Variants in ALDH16A1 observed in about 807,000 individuals in gnomAD.
ALDH16A1 encodes the protein aldehyde dehydrogenase family 16 member A1.
Under a neutral mutation model 96.1 loss-of-function variants are expected in ALDH16A1, and 88 were observed. That is an observed-to-expected ratio of 0.92 (90% CI 0.77 to 1.09). The LOEUF (loss-of-function observed/expected upper bound fraction) is 1.09. Among genes scored for constraint, ALDH16A1 ranks in the 50% least tolerant of loss-of-function variants. The probability of loss-of-function intolerance (pLI) is 0.00; values close to 1 mark genes in which losing one functional copy is unlikely to be tolerated. For missense variants in ALDH16A1, 1,250 were observed against 1,112.6 expected, an observed-to-expected ratio of 1.12 and a Z score of -1.76; for synonymous variants, 522 against 496.4, an observed-to-expected ratio of 1.05 and a Z score of -0.69.
At position 49,461,875 on chromosome 19, in the gene ALDH16A1, G is replaced by GAC. The variant is rs764477617; in HGVS notation, c.760-9_760-8insAC. ...CTCCTCCTGCGGCTGAACTGGGGGG[G>GAC]GTCCCTAGGAAGGGCGTGCCCTTCG... On this transcript the variant is annotated splice_polypyrimidine_tract_variant and intron_variant, in intron 6 of 16. Coordinates refer to ENST00000293350, the MANE Select transcript of ALDH16A1 (RefSeq NM_153329.4). The GAC allele has an allele frequency of 7.0e-4, 1,110 of 1,586,214 alleles. 7 individuals are homozygous for GAC. The African/African-American group carries it at 0.013, about 19-fold the overall frequency.
chr19:49,460,744 G>T, intron 4 of ALDH16A1, 78 bp from the exon 5 acceptor site: 3 of 1,109,814 alleles, frequency 2.7e-6, no homozygotes, highest in South Asian at 1.3e-5. Context: ...ATGTAGCCAT[G>T]GGGTCTTGCC....
In ALDH16A1 at chr19:49,459,658, C is replaced by G. The variant is rs760362690; in HGVS notation, c.321-12C>G. On this transcript the variant is annotated splice_polypyrimidine_tract_variant and intron_variant, in intron 3 of 16. Coordinates refer to ENST00000293350, the MANE Select transcript of ALDH16A1 (RefSeq NM_153329.4). The surrounding 1 kb of genome is among the most constrained non-coding windows in gnomAD (Gnocchi z 4.1). ...CCGTTGGAAAATGAGCACCCTCTTGCTTTCTCGACAGGCTGGCCGAGGTGA... is the reference window on the plus strand; with the variant it reads ...CCGTTGGAAAATGAGCACCCTCTTGGTTTCTCGACAGGCTGGCCGAGGTGA... 8.8e-6 allele frequency: 14 copies of G among 1,599,058 alleles called. No homozygotes were observed. In the South Asian group the frequency reaches 1.6e-4, roughly 18 times the overall value.
Position 49,453,391 on chromosome 19 carries a change from A to G in ALDH16A1, c.60A>G (p.Gly20=), listed in dbSNP as rs1290156136. 10 of 1,562,766 alleles carry G rather than the reference A, an allele frequency of 6.4e-6. No homozygotes were observed. Among genetic ancestry groups the G allele is most frequent in the Non-Finnish European group, 7.8e-6 (9 of 1,156,260 alleles). ...AGATCTTCACCTCGCTGGAGTACGG[A>G]CCGGTGCCGGAGAGCCACGCATGCG... ...AREIFTSLEY[G]PVPESHACAL... is the part of the protein sequence containing the mutation. The change falls in exon 1 of 17, where the codon GGA becomes GGG. Residue 20 remains glycine (G), a synonymous_variant. Coordinates refer to ENST00000293350, the MANE Select transcript of ALDH16A1 (RefSeq NM_153329.4).
intron 16 of ALDH16A1, chr19:49,470,096 G>A: frequency 1.8e-6 from 1 of 570,142 alleles, no homozygotes; most frequent in Admixed American, 3.4e-5. Flanking sequence ...TTCAACATGG[G>A]CTGTTAAGGG....
chr19:49,458,623 G>T (rs1224090290), intron 2 of ALDH16A1, 35 bp downstream of exon 2: 1 of 1,542,576 alleles, frequency 6.5e-7, no homozygotes, highest in Non-Finnish European at 8.8e-7. Context: ...GTGGAAGGGA[G>T]GTATCTGTGC....
chr19:49,458,419 C>G, intron 1 of ALDH16A1, 67 bp from the exon 2 acceptor site: 1 of 1,247,446 alleles, frequency 8.0e-7, no homozygotes, highest in Non-Finnish European at 1.1e-6. Flanking sequence ...CTAGAGGATT[C>G]TGGGTAGGGG....
At chr19:49,464,318 T>C (rs535858907) in intron 10 of ALDH16A1, 55 bp downstream of exon 10, 2 of 1,588,708 alleles carry the variant, frequency 1.3e-6, no homozygotes, top group East Asian at 2.3e-5. Flanking sequence ...CATCTTCATC[T>C]CCCTTCTCCC....
chr19:49,464,035 T>C, intron 9 of ALDH16A1, 86 bp downstream of exon 9: 3 of 1,575,980 alleles, frequency 1.9e-6, no homozygotes, highest in Middle Eastern at 1.7e-4. Context: ...GGGGTAACCA[T>C]GTGACCTGGG....
At chr19:49,467,003 C>T (rs1163579106) in intron 14 of ALDH16A1, among the ~76,000 whole-genome samples, 1 of 152,190 alleles carries the variant, frequency 6.6e-6, no homozygotes, top group Non-Finnish European at 1.5e-5. Context: ...GAAACCCTGT[C>T]TCCACAAAAA....
At position 49,464,761 on chromosome 19, in the gene ALDH16A1, A is replaced by G. The variant is rs756171469; in HGVS notation, c.1567A>G (p.Ser523Gly). 6.8e-6 allele frequency: 11 copies of G among 1,613,832 alleles called. No homozygotes were observed. Among genetic ancestry groups the G allele is most frequent in the Non-Finnish European group, 9.3e-6 (11 of 1,180,008 alleles). The change falls in exon 12 of 17, where the codon AGC becomes GGC. Residue 523 changes from serine (S) to glycine (G), a missense_variant and splice_region_variant. Coordinates refer to ENST00000293350, the MANE Select transcript of ALDH16A1 (RefSeq NM_153329.4). ...TLPAGPEIGP[S>G]PAPPYGLFVG... is the part of the protein sequence containing the mutation. ...GCCGGCTGGGCCTGAAATAGGGCCC[A>G]GGTGAGTCGTTGGGGGCCAGTGGTC...
At position 49,470,457 on chromosome 19, in the gene ALDH16A1, T is replaced by C. The variant is rs2079236583; in HGVS notation, c.2399T>C (p.Met800Thr). ...VARTKALWLP[M>T]GD The stretch of plus-strand genomic sequence containing the variant: ...CGGACCAAGGCCCTGTGGCTGCCTA[T>C]GGGGGACTGATGCCTGAGCGCCACC... The change falls in exon 17 of 17, where the codon ATG (methionine) becomes ACG (threonine). Residue 800 changes from methionine to threonine, a missense_variant. By Grantham distance (81) the Met-to-Thr change is moderately conservative. Transcript: ENST00000293350. The C allele has an allele frequency of 1.3e-6, 2 of 1,580,396 alleles. No individual in the cohort carries two copies. Among genetic ancestry groups the C allele is most frequent in the African/African-American group, 2.7e-5 (2 of 73,406 alleles).
chr19:49,470,121 A>G, intron 16 of ALDH16A1, 185 bp from the exon 17 acceptor site: 1 of 669,628 alleles, frequency 1.5e-6, no homozygotes. Context: ...GAAATTCCCT[A>G]ACCACTGGGT....
rs534177491 is a variant in ALDH16A1, at chr19:49,467,867, A to C, written c.1939-514A>C. 4.3e-4 allele frequency among the ~76,000 whole-genome samples: 65 copies of C among 151,548 alleles called. 1 individual carries two copies. The highest frequency in any genetic ancestry group is 1.5e-3 in the African/African-American group (63 of 41,342). On this transcript the variant is annotated intron_variant, in intron 14 of 16. Transcript: ENST00000293350. ...ACACCATATTTATTTTTAACAAAAGAAAATAGACCAGGCGCAGTGGCTCAC... is the reference window on the plus strand; with the variant it reads ...ACACCATATTTATTTTTAACAAAAGCAAATAGACCAGGCGCAGTGGCTCAC...
intron 1 of ALDH16A1, among the ~76,000 whole-genome samples, chr19:49,458,087 C>T (rs753062779): frequency 2.1e-4 from 32 of 152,046 alleles, no homozygotes; most frequent in Non-Finnish European, 3.1e-4. Flanking sequence ...CATGTGGTGG[C>T]GGGCGCCTGT....
rs1438448001 is a variant in ALDH16A1, at chr19:49,459,640, A to C, written c.321-30A>C. 1 of 1,580,254 alleles carries C rather than the reference A, an allele frequency of 6.3e-7. No individual in the cohort carries two copies. The highest frequency in any genetic ancestry group is 1.4e-5 in the African/African-American group (1 of 73,602). On this transcript the variant is annotated intron_variant, in intron 3 of 16. Transcript: ENST00000293350. The surrounding 1 kb of genome is among the most constrained non-coding windows in gnomAD (Gnocchi z 4.1). ...ACTCTGCAAGGCTGAGGGCCGTTGG[A>C]AAATGAGCACCCTCTTGCTTTCTCG...
Position 49,459,007 on chromosome 19 carries a change from G to A in ALDH16A1, c.241G>A (p.Ala81Thr), listed in dbSNP as rs2079121685. 1 of 1,613,468 alleles carries A rather than the reference G, an allele frequency of 6.2e-7. No individual in the cohort carries two copies. The highest frequency in any genetic ancestry group is 1.1e-5 in the South Asian group (1 of 91,088). ...GCAGGCACAGGCCGAGGATGTGGCTGCAGCCGTGGAGGCAGCCAGGATGGC... is the reference window on the plus strand; with the variant it reads ...GCAGGCACAGGCCGAGGATGTGGCTACAGCCGTGGAGGCAGCCAGGATGGC... ...CLQAQAEDVA[A>T]AVEAARMAFK... Residue 81 changes from alanine to threonine, a missense_variant, in exon 3 of 17, where the codon GCA becomes ACA. Physicochemically the swap from Ala to Thr is moderately conservative, Grantham distance 58. Transcript: ENST00000293350. The surrounding 1 kb of genome is among the most constrained non-coding windows in gnomAD (Gnocchi z 4.1).
At chr19:49,466,312 C>G in intron 14 of ALDH16A1, 29 bp downstream of exon 14, 2 of 1,427,156 alleles carry the variant, frequency 1.4e-6, no homozygotes, top group Non-Finnish European at 1.8e-6. Context: ...CCTGGGCCAG[C>G]TGGGCAGGCG....
At chr19:49,460,788 C>T (rs775382836) in intron 4 of ALDH16A1, 34 bp from the exon 5 acceptor site, 7 of 1,588,098 alleles carry the variant, frequency 4.4e-6, no homozygotes, top group Middle Eastern at 3.4e-4. Context: ...CACCTAGCCT[C>T]AAGGGATCCT....
rs1347895599 is a variant in ALDH16A1 at position 49,468,050 on chromosome 19, C to T, written c.1939-331C>T. On this transcript the variant is annotated intron_variant, in intron 14 of 16. Coordinates refer to ENST00000293350, the MANE Select transcript of ALDH16A1 (RefSeq NM_153329.4). The surrounding 1 kb of genome is among the most constrained non-coding windows in gnomAD (Gnocchi z 4.4). Reference sequence around the variant, plus strand: ...TGGCAGGTGCCTGTAGTCTCAGCTACTCAGGAGACTGAGGCAGGAGAATGG... The same window carrying T: ...TGGCAGGTGCCTGTAGTCTCAGCTATTCAGGAGACTGAGGCAGGAGAATGG... Among the ~76,000 whole-genome samples, 1 of 151,084 alleles carries T rather than the reference C, an allele frequency of 6.6e-6. No individual in the cohort carries two copies. The highest frequency in any genetic ancestry group is 2.4e-5 in the African/African-American group (1 of 41,060).
Sources: gnomAD v4.1 joint callset for allele counts (sites outside exome capture counted in the v4.1 genomes callset) on GRCh38, gnomAD v4.1.1 for gene constraint, Gnocchi (gnomAD v3.1) non-coding constraint, MANE v1.5 for transcripts, NCBI Gene and HGNC (gene_info 2026-07-23, HGNC 2026-07-21) for gene names.